ROBO2: variants seen among roughly 807,000 people sequenced by gnomAD.
ROBO2 encodes roundabout homolog 2.
A neutral mutation model predicts 160.8 loss-of-function variants in ROBO2; 53 were observed. The observed-to-expected ratio is 0.33, with a 90% CI of 0.26 to 0.41. ROBO2 has a LOEUF of 0.41. Among genes scored for constraint, ROBO2 ranks in the 10% least tolerant of loss-of-function variants. ROBO2 has a pLI of 1.00. For synonymous variants in ROBO2, 664 were observed against 611.7 expected (o/e 1.09, Z -1.26); for missense variants, 1,577 against 1,722.4 (o/e 0.92, Z 1.49).
At chr3:77,054,045 G>T (rs2065473385) in intron 1 of ROBO2, among the ~76,000 whole-genome samples, 1 of 152,128 alleles carries the variant, frequency 6.6e-6, no homozygotes, top group South Asian at 2.1e-4. Context: ...GTACTTCATT[G>T]CCAGAACATG....
intron 2 of ROBO2, among the ~76,000 whole-genome samples, chr3:76,652,440 C>T (rs2091297330): frequency 6.6e-6 from 1 of 152,150 alleles, no homozygotes; most frequent in South Asian, 2.1e-4. Context: ...AAGGGAAAAG[C>T]TGAGATTTGA....
At chr3:76,314,377 C>T (rs1002760805) in intron 2 of ROBO2, among the ~76,000 whole-genome samples, 2 of 152,036 alleles carry the variant, frequency 1.3e-5, no homozygotes, top group East Asian at 3.9e-4. Flanking sequence ...CATAACTCTA[C>T]AGAAAAGTTT....
chr3:76,958,536 C>T (rs1264157531), intron 2 of ROBO2, among the ~76,000 whole-genome samples: 5 of 152,224 alleles, frequency 3.3e-5, no homozygotes, highest in Non-Finnish European at 7.3e-5. Context: ...TGTGGACTTA[C>T]ATTGCTTGTG....
intron 2 of ROBO2, among the ~76,000 whole-genome samples, chr3:76,724,687 G>A (rs760084826): frequency 7.2e-5 from 11 of 152,024 alleles, no homozygotes; most frequent in Non-Finnish European, 1.2e-4. Flanking sequence ...AAATATGTCC[G>A]TAGTAGGCTG....
intron 2 of ROBO2, among the ~76,000 whole-genome samples, chr3:76,661,099 A>G (rs1026059918): frequency 3.9e-5 from 6 of 152,188 alleles, no homozygotes; most frequent in Non-Finnish European, 7.4e-5. Context: ...AAACCATAAA[A>G]ACCACATTAT....
intron 2 of ROBO2, among the ~76,000 whole-genome samples, chr3:77,316,518 C>T (rs1261199813): frequency 1.3e-5 from 2 of 152,124 alleles, no homozygotes; most frequent in East Asian, 3.9e-4. Context: ...CTTGGCATCT[C>T]ACAGGGGCTA....
At chr3:77,058,274 A>C (rs1413526619) in intron 1 of ROBO2, among the ~76,000 whole-genome samples, 2 of 152,174 alleles carry the variant, frequency 1.3e-5, no homozygotes, top group South Asian at 2.1e-4. Flanking sequence ...TGGAAATTGA[A>C]AAGTATAATA....
chr3:75,988,198 T>C (rs627026), intron 2 of ROBO2, among the ~76,000 whole-genome samples: 117,463 of 151,946 alleles, frequency 0.77, 46,582 homozygotes, highest in East Asian at 0.97. Context: ...ATTACAGATC[T>C]ATAATCCTAA....
At chr3:76,638,779 G>T (rs73120418) in intron 2 of ROBO2, among the ~76,000 whole-genome samples, 4,775 of 152,160 alleles carry the variant, frequency 0.031, 87 homozygotes, top group Middle Eastern at 0.068. Flanking sequence ...TTTTTACTCT[G>T]AGTATGTAGG....
At chr3:76,117,099 A>C (rs2070504232) in intron 2 of ROBO2, among the ~76,000 whole-genome samples, 1 of 152,218 alleles carries the variant, frequency 6.6e-6, no homozygotes, top group African/African-American at 2.4e-5. Context: ...AAAACATTCT[A>C]ATGTAGAGTA....
intron 8 of ROBO2, among the ~76,000 whole-genome samples, chr3:77,553,155 TCA>T (rs1177031711): frequency 1.3e-5 from 2 of 151,982 alleles, no homozygotes; most frequent in African/African-American, 4.8e-5. Flanking sequence ...TTGGTAATTC[TCA>T]CAGTATTTCA....
chr3:77,060,890 A>G (rs1319819467), intron 1 of ROBO2, among the ~76,000 whole-genome samples: 1 of 152,130 alleles, frequency 6.6e-6, no homozygotes, highest in African/African-American at 2.4e-5. Context: ...AACATCTAGC[A>G]GAGATAATAC....
intron 2 of ROBO2, among the ~76,000 whole-genome samples, chr3:76,013,439 A>C (rs1464107318): frequency 6.6e-6 from 1 of 150,612 alleles, no homozygotes; most frequent in Non-Finnish European, 1.5e-5. Flanking sequence ...AATATGTATA[A>C]AGGCATTTGG....
chr3:76,814,442 G>T (rs528212566), intron 2 of ROBO2, among the ~76,000 whole-genome samples: 1 of 152,110 alleles, frequency 6.6e-6, no homozygotes, highest in Non-Finnish European at 1.5e-5. Flanking sequence ...AGCAAATATA[G>T]TGCGTGCCAA....
intron 2 of ROBO2, among the ~76,000 whole-genome samples, chr3:77,312,105 T>C (rs2063594987): frequency 6.6e-6 from 1 of 151,952 alleles, no homozygotes; most frequent in Non-Finnish European, 1.5e-5. Context: ...AAAAAAATGA[T>C]TCAGAAAATT....
chr3:77,469,951 G>T (rs2083187626), intron 2 of ROBO2, among the ~76,000 whole-genome samples: 1 of 152,152 alleles, frequency 6.6e-6, no homozygotes, highest in African/African-American at 2.4e-5. Context: ...GATAAGGAAA[G>T]ACTTCAGATG....
intron 2 of ROBO2, among the ~76,000 whole-genome samples, chr3:76,156,318 A>G (rs2072407283): frequency 6.6e-6 from 1 of 152,166 alleles, no homozygotes; most frequent in Non-Finnish European, 1.5e-5. Context: ...AAGCATTTCA[A>G]AGGTTATTTG....
At chr3:77,281,148 G>A (rs2060211078) in intron 2 of ROBO2, among the ~76,000 whole-genome samples, 1 of 152,144 alleles carries the variant, frequency 6.6e-6, no homozygotes, top group African/African-American at 2.4e-5. Context: ...GTCATTCAAA[G>A]GTTGTATAAT....
intron 2 of ROBO2, among the ~76,000 whole-genome samples, chr3:76,908,757 C>T (rs1379859157): frequency 6.6e-6 from 1 of 152,116 alleles, no homozygotes; most frequent in African/African-American, 2.4e-5. Context: ...GGTTATTCTA[C>T]TATTTCATAT....
Sources: gnomAD v4.1 joint callset for allele counts (sites outside exome capture counted in the v4.1 genomes callset) on GRCh38, gnomAD v4.1.1 for gene constraint, MANE v1.5 for transcripts, NCBI Gene and HGNC (gene_info 2026-07-23, HGNC 2026-07-21) for gene names.